Variants in ENPP3 observed in about 807,000 individuals in gnomAD.
The protein encoded by ENPP3 is ectonucleotide pyrophosphatase/phosphodiesterase 3, also known as ectonucleotide pyrophosphatase/phosphodiesterase family member 3.
ENPP3 carries 104 observed loss-of-function variants against 117.8 expected under a neutral mutation model. The ratio of observed to expected loss-of-function variants is 0.88; its 90% CI spans 0.75 to 1.04. The LOEUF (loss-of-function observed/expected upper bound fraction) is 1.04, where lower values mean the gene tolerates loss of function less well. Ranked by LOEUF, ENPP3 falls within the 50% of genes least tolerant of loss-of-function variation. ENPP3 has a pLI of 0.00. For missense variants in ENPP3, 1,026 were observed against 1,051.9 expected, an observed-to-expected ratio of 0.98 and a Z score of 0.34; for synonymous variants, 380 against 349.9, an observed-to-expected ratio of 1.09 and a Z score of -0.96.
chr6:131,639,260 T>TAC (rs1480081112), intron 1 of ENPP3, among the ~76,000 whole-genome samples: 2 of 64,928 alleles, frequency 3.1e-5, no homozygotes, highest in Non-Finnish European at 5.2e-5. Context: ...TATATATATA[T>TAC]ATATATTTTT....
intron 14 of ENPP3, among the ~76,000 whole-genome samples, chr6:131,687,040 G>T (rs1779168772): frequency 6.6e-6 from 1 of 152,158 alleles, no homozygotes; most frequent in South Asian, 2.1e-4. Context: ...CCAGTAATGG[G>T]ATTGCTGGGT....
intron 11 of ENPP3, 72 bp downstream of exon 11, chr6:131,678,012 G>T: frequency 1.1e-6 from 1 of 881,820 alleles, no homozygotes; most frequent in Non-Finnish European, 1.8e-6. Context: ...AAACAAGATA[G>T]TATTCTTTAA....
At chr6:131,722,083 A>G in intron 17 of ENPP3, 144 bp from the exon 18 acceptor site, 1 of 595,324 alleles carries the variant, frequency 1.7e-6, no homozygotes. Flanking sequence ...AGTAAACTGA[A>G]TGGCATATAG....
chr6:131,720,667 C>T (rs538014956), intron 17 of ENPP3, among the ~76,000 whole-genome samples: 8 of 152,100 alleles, frequency 5.3e-5, no homozygotes, highest in Non-Finnish European at 1.0e-4. Flanking sequence ...CTGGAACCTC[C>T]GCCTCCCAGG....
At chr6:131,699,235 CAA>C (rs4053087) in intron 15 of ENPP3, among the ~76,000 whole-genome samples, 12 of 107,958 alleles carry the variant, frequency 1.1e-4, no homozygotes, top group Admixed American at 5.9e-4. Flanking sequence ...AAGACTGTCT[CAA>C]AAAAAAAAAA....
At chr6:131,643,115 T>C (rs938380552) in intron 2 of ENPP3, 1 of 152,238 alleles carries the variant, frequency 6.6e-6, no homozygotes, top group African/African-American at 2.4e-5. Flanking sequence ...TTCCCTAGTA[T>C]GACCTAGGAG....
At chr6:131,743,078 A>G (rs951675495) in intron 24 of ENPP3, among the ~76,000 whole-genome samples, 3 of 152,242 alleles carry the variant, frequency 2.0e-5, no homozygotes, top group Non-Finnish European at 4.4e-5. Context: ...ATTATAAAAG[A>G]GATTGCAAAG....
rs1202160322 is a variant in ENPP3 at position 131,653,315 on chromosome 6, T to C, written c.464+424T>C. On this transcript the variant is annotated intron_variant, in intron 5 of 24. Coordinates refer to ENST00000357639, the MANE Select transcript of ENPP3 (RefSeq NM_005021.5). ...GGCTAATTTTTTATTTTTCTCTCTT[T>C]TTTTTTTTTTTTTGTACAGATGAGG... is the stretch of plus-strand genomic sequence containing the variant. Among the ~76,000 whole-genome samples the C allele has an allele frequency of 4.6e-3, 511 of 111,002 alleles. 4 individuals carry two copies. Among genetic ancestry groups the C allele is most frequent in the African/African-American group, 0.013 (487 of 37,718 alleles). 72.8% of individuals were successfully genotyped at this position (111,002 alleles called of 152,430 possible).
In ENPP3 at chr6:131,648,879, T is replaced by A. The variant is rs141482536; in HGVS notation, c.155-1148T>A. Among the ~76,000 whole-genome samples, 780 of 152,354 alleles carry A rather than the reference T, an allele frequency of 5.1e-3. 4 individuals are homozygous for A. The highest frequency in any genetic ancestry group is 0.016 in the African/African-American group (681 of 41,596). ...TTCCCATTGCTTCTTATTCCTAATA[T>A]GCTGATGACTCCAAGTCAGTATCTT... is the stretch of plus-strand genomic sequence containing the variant. On this transcript the variant is annotated intron_variant, in intron 2 of 24. Transcript: ENST00000357639.
chr6:131,688,024 A>AT, intron 14 of ENPP3, among the ~76,000 whole-genome samples: 2 of 152,024 alleles, frequency 1.3e-5, no homozygotes, highest in Non-Finnish European at 2.9e-5. Flanking sequence ...ATCCAGTGCT[A>AT]TTTTTTCAAC....
chr6:131,740,155 A>C, intron 23 of ENPP3, 69 bp from the exon 24 acceptor site: 1 of 1,221,850 alleles, frequency 8.2e-7, no homozygotes, highest in Non-Finnish European at 1.1e-6. Flanking sequence ...AAACTATGTA[A>C]ACACACTTAT....
intron 19 of ENPP3, 135 bp downstream of exon 19, chr6:131,724,226 T>TA (rs397941468): frequency 0.095 from 37,728 of 397,818 alleles, 21 homozygotes; most frequent in South Asian, 0.13. Flanking sequence ...ATACAAAAGG[T>TA]AAAAAAAAAA....
At chr6:131,710,098 A>G in intron 15 of ENPP3, 1 of 1,613,904 alleles carries the variant, frequency 6.2e-7, no homozygotes. Context: ...AGGATCATCT[A>G]AGTTAGCACC....
In ENPP3 at chr6:131,746,888, A is replaced by G. The variant is rs1272366803; in HGVS notation, c.2560A>G (p.Lys854Glu). 1.2e-6 allele frequency: 2 copies of G among 1,612,674 alleles called. No homozygotes were observed. Among genetic ancestry groups the G allele is most frequent in the East Asian group, 2.2e-5 (1 of 44,842 alleles). Reference protein sequence around the residue: ...LLTGLDFYQDKVQPVSEILQL... With the variant: ...LLTGLDFYQDEVQPVSEILQL... ...CACTGGGCTTGACTTCTATCAGGATAAAGTGCAGCCTGTCTCTGAAATTTT... is the reference window on the plus strand; with the variant it reads ...CACTGGGCTTGACTTCTATCAGGATGAAGTGCAGCCTGTCTCTGAAATTTT... The change falls in exon 25 of 25, where the codon AAA becomes GAA. Residue 854 changes from lysine to glutamate, a missense_variant. Transcript: ENST00000357639.
chr6:131,717,349 G>GA (rs1554267239), intron 15 of ENPP3, among the ~76,000 whole-genome samples: 4 of 126,966 alleles, frequency 3.2e-5, no homozygotes, highest in African/African-American at 1.3e-4. Context: ...AACCCTGCGG[G>GA]GGGTGTGTGT....
chr6:131,657,403 A>G (rs1328450485), intron 5 of ENPP3, among the ~76,000 whole-genome samples: 1 of 152,154 alleles, frequency 6.6e-6, no homozygotes, highest in Non-Finnish European at 1.5e-5. Flanking sequence ...TTAGAATTTT[A>G]TGTAAATGGA....
chr6:131,676,790 C>T lies in ENPP3; in HGVS notation c.927C>T (p.Pro309=). 6.2e-7 allele frequency: 1 copy of T among 1,608,418 alleles called. No homozygotes were observed. The highest frequency in any genetic ancestry group is 8.5e-7 in the Non-Finnish European group (1 of 1,175,234). ...ISTLLKWLDL[P]KAERPRFYTM... is the part of the protein sequence containing the mutation. ...CACTGTTAAAATGGCTGGACCTGCC[C>T]AAAGCTGAAAGGTAATGTCTAGTGT... The change falls in exon 10 of 25, where the codon CCC becomes CCT. Residue 309 remains proline, a synonymous_variant. Transcript: ENST00000357639.
intron 7 of ENPP3, among the ~76,000 whole-genome samples, chr6:131,673,391 G>T (rs1174796171): frequency 6.6e-6 from 1 of 152,046 alleles, no homozygotes; most frequent in Non-Finnish European, 1.5e-5. Context: ...TTTTTTGTGG[G>T]AACATAAATG....
chr6:131,643,714 A>G (rs1333421735), intron 2 of ENPP3, among the ~76,000 whole-genome samples: 1 of 152,164 alleles, frequency 6.6e-6, no homozygotes, highest in Non-Finnish European at 1.5e-5. Flanking sequence ...TACCGTCATG[A>G]CTACACGTAT....
Sources: allele counts gnomAD v4.1 joint callset (sites outside exome capture counted in the v4.1 genomes callset), GRCh38; gene constraint gnomAD v4.1.1; transcripts MANE v1.5; gene names NCBI Gene and HGNC (gene_info 2026-07-23, HGNC 2026-07-21).